MITF: variants seen among roughly 807,000 people sequenced by gnomAD.
MITF encodes microphthalmia-associated transcription factor.
A neutral mutation model predicts 60.5 loss-of-function variants in MITF; 17 were observed. The ratio of observed to expected loss-of-function variants is 0.28; its 90% CI spans 0.19 to 0.42. The LOEUF (loss-of-function observed/expected upper bound fraction) is 0.42, where lower values mean the gene tolerates loss of function less well. Ranked by LOEUF, MITF falls within the 10% of genes least tolerant of loss-of-function variation. MITF has a pLI of 1.00. For synonymous variants in MITF, 260 were observed against 248.5 expected, an observed-to-expected ratio of 1.05 and a Z score of -0.43; for missense variants, 622 against 683.5, an observed-to-expected ratio of 0.91 and a Z score of 1.00.
chr3:69,848,390 G>A (rs1302549447), intron 1 of MITF, among the ~76,000 whole-genome samples: 2 of 152,208 alleles, frequency 1.3e-5, no homozygotes, highest in Non-Finnish European at 2.9e-5. Flanking sequence ...ATATTTTAAA[G>A]AGCAAGGGTT....
chr3:69,848,707 G>A (rs1296691908), intron 1 of MITF, among the ~76,000 whole-genome samples: 1 of 152,102 alleles, frequency 6.6e-6, no homozygotes, highest in African/African-American at 2.4e-5. Flanking sequence ...TGATGGCAAT[G>A]ACAATCATGT....
chr3:69,833,504 C>T (rs917263361), intron 1 of MITF, among the ~76,000 whole-genome samples: 1 of 151,982 alleles, frequency 6.6e-6, no homozygotes, highest in Non-Finnish European at 1.5e-5. Flanking sequence ...TCCCCGTTTA[C>T]ACTGTATGTG....
chr3:69,854,346 A>G (rs1403697649), intron 1 of MITF, among the ~76,000 whole-genome samples: 2 of 152,212 alleles, frequency 1.3e-5, no homozygotes, highest in East Asian at 3.8e-4. Flanking sequence ...TTTGGATACC[A>G]AAATCCATGG....
At chr3:69,862,679 C>G (rs2064038197) in intron 1 of MITF, among the ~76,000 whole-genome samples, 1 of 152,144 alleles carries the variant, frequency 6.6e-6, no homozygotes, top group Non-Finnish European at 1.5e-5. Flanking sequence ...CAAAAAGATT[C>G]TGAAACCCAG....
chr3:69,909,006 T>C (rs1342031394), intron 2 of MITF, among the ~76,000 whole-genome samples: 1 of 152,124 alleles, frequency 6.6e-6, no homozygotes, highest in Non-Finnish European at 1.5e-5. Flanking sequence ...TTCTATTAGG[T>C]TTTTTTGTTT....
chr3:69,954,255 A>G (rs1268308028), intron 7 of MITF, among the ~76,000 whole-genome samples: 1 of 152,206 alleles, frequency 6.6e-6, no homozygotes, highest in African/African-American at 2.4e-5. Flanking sequence ...TTTAACACAT[A>G]TTTGTTGAGA....
chr3:69,821,836 C>T (rs549532221), intron 1 of MITF, among the ~76,000 whole-genome samples: 8 of 152,270 alleles, frequency 5.3e-5, no homozygotes, highest in Non-Finnish European at 1.0e-4. Context: ...ACTGCAACCT[C>T]TGTCTCAGGG....
chr3:69,815,010 T>A (rs557431631), intron 1 of MITF, among the ~76,000 whole-genome samples: 1 of 152,248 alleles, frequency 6.6e-6, no homozygotes, highest in East Asian at 1.9e-4. Flanking sequence ...TCTGGTAAAC[T>A]GGTACAGGAT....
chr3:69,907,420 C>T (rs1559711882), intron 2 of MITF, among the ~76,000 whole-genome samples: 3 of 152,038 alleles, frequency 2.0e-5, no homozygotes, highest in Admixed American at 6.6e-5. Flanking sequence ...TTATAGGTGC[C>T]AGGGATATTG....
At chr3:69,906,533 C>T (rs555251460) in intron 2 of MITF, among the ~76,000 whole-genome samples, 44 of 152,272 alleles carry the variant, frequency 2.9e-4, no homozygotes, top group African/African-American at 1.0e-3. Flanking sequence ...TACTAGTTAT[C>T]TTTCTCTGAA....
At chr3:69,883,596 T>G (rs1250396745) in intron 2 of MITF, among the ~76,000 whole-genome samples, 1 of 152,178 alleles carries the variant, frequency 6.6e-6, no homozygotes, top group African/African-American at 2.4e-5. Flanking sequence ...GGCTACAGAT[T>G]GGCAAAAGGG....
chr3:69,748,268 A>G (rs745729182), intron 1 of MITF, among the ~76,000 whole-genome samples: 1 of 151,914 alleles, frequency 6.6e-6, no homozygotes, highest in Non-Finnish European at 1.5e-5. Context: ...TGAGGTGGAG[A>G]CTCACTCTTT....
chr3:69,765,723 AT>A (rs1197737814), intron 1 of MITF, among the ~76,000 whole-genome samples: 1 of 152,246 alleles, frequency 6.6e-6, no homozygotes, highest in Non-Finnish European at 1.5e-5. Flanking sequence ...GAATACAAAT[AT>A]GATTCCCTTA....
At chr3:69,941,152 A>T in intron 4 of MITF, 84 bp from the exon 5 acceptor site, 1 of 863,976 alleles carries the variant, frequency 1.2e-6, no homozygotes, top group Non-Finnish European at 1.9e-6. Context: ...TGCTTTGGGT[A>T]AAAAAAGACC....
intron 2 of MITF, among the ~76,000 whole-genome samples, chr3:69,927,304 G>T (rs988272723): frequency 6.6e-6 from 1 of 152,070 alleles, no homozygotes; most frequent in Non-Finnish European, 1.5e-5. Flanking sequence ...TCATTCATAC[G>T]TGGGAGTTGA....
chr3:69,787,145 G>T (rs1446540338), intron 1 of MITF, among the ~76,000 whole-genome samples: 2 of 152,200 alleles, frequency 1.3e-5, no homozygotes, highest in East Asian at 3.9e-4. Flanking sequence ...GTTCTTATTG[G>T]CCACACTTAA....
chr3:69,911,782 G>A (rs2065230699), intron 2 of MITF, among the ~76,000 whole-genome samples: 1 of 152,172 alleles, frequency 6.6e-6, no homozygotes, highest in South Asian at 2.1e-4. Context: ...GGTATGTTTG[G>A]AGAGAAAAGG....
chr3:69,783,776 G>T (rs1333812384), intron 1 of MITF, among the ~76,000 whole-genome samples: 1 of 152,080 alleles, frequency 6.6e-6, no homozygotes, highest in Non-Finnish European at 1.5e-5. Flanking sequence ...CTGTGTCAGG[G>T]TCACCTGGGG....
chr3:69,745,853 G>C (rs1187817739), intron 1 of MITF, among the ~76,000 whole-genome samples: 1 of 152,146 alleles, frequency 6.6e-6, no homozygotes, highest in Non-Finnish European at 1.5e-5. Flanking sequence ...CACCCCCTTA[G>C]GGTTGGTAGA....
Sources: allele counts gnomAD v4.1 joint callset (sites outside exome capture counted in the v4.1 genomes callset), GRCh38; gene constraint gnomAD v4.1.1; transcripts MANE v1.5; gene names NCBI Gene and HGNC (gene_info 2026-07-23, HGNC 2026-07-21).